The following PHF7 variants were observed in gnomAD, a reference collection of about 807,000 sequenced individuals.
PHF7 encodes E3 ubiquitin-protein ligase PHF7.
In PHF7, 24 loss-of-function variants were observed where a neutral mutation model predicts 47.5. The observed-to-expected ratio is 0.51, with a 90% CI of 0.37 to 0.71. PHF7 has a LOEUF of 0.71. Among genes scored for constraint, PHF7 ranks in the 30% least tolerant of loss-of-function variants. PHF7 has a pLI of 0.00. For missense variants in PHF7, 361 were observed against 456.8 expected, an observed-to-expected ratio of 0.79 and a Z score of 1.91; for synonymous variants, 156 against 153.8, an observed-to-expected ratio of 1.01 and a Z score of -0.11.
In PHF7 at chr3:52,423,555, A is replaced by G. The variant is rs1705863852; in HGVS notation, c.*238A>G. ...GCTTTCTCCTCCTCTCCTCCCACCA[A>G]GGATTCTTCCACCTTAATCTTGTTT... On this transcript the variant is annotated 3_prime_UTR_variant, in exon 11 of 11. Transcript: ENST00000327906. 1 of 427,142 alleles carries G rather than the reference A, an allele frequency of 2.3e-6. No homozygotes were observed. The highest frequency in any genetic ancestry group is 4.2e-6 in the Non-Finnish European group (1 of 238,504). The allele number at this position is 427,142 out of a possible 1,614,324, so 26.5% of individuals were successfully genotyped here.
rs770607928 is a variant in PHF7, at chr3:52,423,222, T to G, written c.1051T>G (p.Leu351Val). 1 of 1,614,110 alleles carries G rather than the reference T, an allele frequency of 6.2e-7. No homozygotes were observed. Among genetic ancestry groups the G allele is most frequent in the Non-Finnish European group, 8.5e-7 (1 of 1,179,950 alleles). ...TTGGACTGATTGGCCAGAACCTTCCTTATTAGAAAAGCCAGAGTCCTCTCG... is the reference window on the plus strand; with the variant it reads ...TTGGACTGATTGGCCAGAACCTTCCGTATTAGAAAAGCCAGAGTCCTCTCG... The part of the protein sequence containing the change: ...LSWTDWPEPS[L>V]LEKPESSRGR... The change falls in exon 11 of 11, where the codon TTA becomes GTA. Residue 351 changes from leucine (L) to valine (V), a missense_variant. By Grantham distance (32) the Leu-to-Val change is conservative (BLOSUM62 1). Coordinates refer to ENST00000327906, the MANE Select transcript of PHF7 (RefSeq NM_016483.7).
At chr3:52,422,973 G>C in intron 10 of PHF7, 92 bp downstream of exon 10, 2 of 1,555,710 alleles carry the variant, frequency 1.3e-6, no homozygotes, top group Middle Eastern at 3.7e-4. Flanking sequence ...CCCACCAGAG[G>C]GGGATTAATA....
intron 2 of PHF7, 39 bp from the exon 3 acceptor site, chr3:52,413,957 C>G: frequency 1.4e-6 from 2 of 1,413,766 alleles, no homozygotes; most frequent in Admixed American, 1.7e-5. Flanking sequence ...CAACAAGATC[C>G]CCAAAGAACA....
At chr3:52,415,628 ATATAGTT>A (rs1578240180) in intron 4 of PHF7, among the ~76,000 whole-genome samples, 1 of 152,334 alleles carries the variant, frequency 6.6e-6, no homozygotes, top group East Asian at 1.9e-4. Flanking sequence ...AAGTGAAATC[ATATAGTT>A]TATAATCTTC....
intron 4 of PHF7, 48 bp from the exon 5 acceptor site, chr3:52,419,785 G>GT: frequency 9.4e-7 from 1 of 1,066,384 alleles, no homozygotes; most frequent in Non-Finnish European, 1.4e-6. Flanking sequence ...TCACTGCACT[G>GT]TTTCACTGAT....
In PHF7 at chr3:52,422,349, G is replaced by A. The variant is rs373150998; in HGVS notation, c.797+11G>A. The A allele has an allele frequency of 2.0e-6, 3 of 1,535,104 alleles. No individual in the cohort carries two copies. In the African/African-American group the frequency reaches 4.1e-5, roughly 21 times the overall value. Reference sequence around the variant, plus strand: ...CTTTGAGGATGAAGGGTAGGGGAAGGCTTCTGGCTAGAAAGAGCTCTCATC... The same window carrying A: ...CTTTGAGGATGAAGGGTAGGGGAAGACTTCTGGCTAGAAAGAGCTCTCATC... On this transcript the variant is annotated intron_variant, in intron 9 of 10. Transcript: ENST00000327906.
rs1356920212 is a variant in PHF7 at position 52,410,980 on chromosome 3, T to TGCG, written c.-329_-327dup. 1 of 152,248 alleles carries TGCG rather than the reference T, an allele frequency of 6.6e-6. No individual in the cohort carries two copies. The highest frequency in any genetic ancestry group is 1.9e-4 in the East Asian group (1 of 5,202). The allele number at this position is 152,248 out of a possible 1,614,324, so 9.4% of individuals were successfully genotyped here. On this transcript the variant is annotated 5_prime_UTR_variant, in exon 1 of 11. Coordinates refer to ENST00000327906, the MANE Select transcript of PHF7 (RefSeq NM_016483.7). Reference sequence around the variant, plus strand: ...ACGTATTTTACAGATAAATCATTCTTGCGGCGGCGGGTCGAACACGTTTAT... The same window carrying TGCG: ...ACGTATTTTACAGATAAATCATTCTTGCGGCGGCGGCGGGTCGAACACGTTTAT...
intron 4 of PHF7, chr3:52,414,904 G>C (rs567312220): frequency 1.9e-5 from 3 of 161,374 alleles, no homozygotes; most frequent in African/African-American, 7.3e-5. Flanking sequence ...GCTAAGGCAA[G>C]AGGATCGCTT....
At position 52,422,202 on chromosome 3, in the gene PHF7, T is replaced by C. The variant is rs745976890; in HGVS notation, c.681-20T>C. 1 of 1,511,412 alleles carries C rather than the reference T, an allele frequency of 6.6e-7. No homozygotes were observed. The highest frequency in any genetic ancestry group is 9.2e-7 in the Non-Finnish European group (1 of 1,086,426). The allele number at this position is 1,511,412 out of a possible 1,614,324, so 93.6% of individuals were successfully genotyped here. On this transcript the variant is annotated intron_variant, in intron 8 of 10. Coordinates refer to ENST00000327906, the MANE Select transcript of PHF7 (RefSeq NM_016483.7). ...ACCAACCCATTATGTTCTTATTCAC[T>C]GTTTCTTCTCCCACTGCAGAGATGC...
intron 4 of PHF7, among the ~76,000 whole-genome samples, chr3:52,415,088 CCTT>C (rs1705582735): frequency 6.6e-6 from 1 of 152,210 alleles, no homozygotes; most frequent in Non-Finnish European, 1.5e-5. Flanking sequence ...TGTTCCCAAT[CCTT>C]CTCCCTCTCC....
At chr3:52,421,834 G>T in intron 8 of PHF7, 80 bp downstream of exon 8, 1 of 764,756 alleles carries the variant, frequency 1.3e-6, no homozygotes, top group Non-Finnish European at 2.4e-6. Context: ...TGAGAGGATA[G>T]TTCAGAGAAT....
rs958214669 is a variant in PHF7, at chr3:52,411,054, A to G, written c.-263A>G. ...CTTTTACCCAGCACCTGTCCAGTGA[A>G]ACAACTTGATAATCGTTTCGAGGGG... On this transcript the variant is annotated 5_prime_UTR_variant, in exon 1 of 11. Coordinates refer to ENST00000327906, the MANE Select transcript of PHF7 (RefSeq NM_016483.7). The G allele has an allele frequency of 1.2e-4, 19 of 152,196 alleles. No individual in the cohort carries two copies. Among genetic ancestry groups the G allele is most frequent in the African/African-American group, 4.3e-4 (18 of 41,440 alleles). 9.4% of individuals were successfully genotyped at this position (152,196 alleles called of 1,614,324 possible).
intron 4 of PHF7, among the ~76,000 whole-genome samples, chr3:52,415,489 C>G (rs1237342143): frequency 2.6e-5 from 4 of 152,198 alleles, no homozygotes; most frequent in South Asian, 2.1e-4. Context: ...AACCACCACC[C>G]CAATCAAAAT....
intron 9 of PHF7, 118 bp downstream of exon 9, chr3:52,422,456 G>A (rs959330582): frequency 2.5e-5 from 19 of 761,634 alleles, no homozygotes; most frequent in East Asian, 2.0e-4. Context: ...GGATAAACAC[G>A]ATTGCTAAGT....
At chr3:52,414,720 A>G (rs867428400) in intron 4 of PHF7, 133 bp downstream of exon 4, 32 of 501,010 alleles carry the variant, frequency 6.4e-5, no homozygotes, top group African/African-American at 5.2e-4. Context: ...TTTAAAATCT[A>G]TTTTTAGGCT....
At chr3:52,421,519 C>G in intron 7 of PHF7, 129 bp from the exon 8 acceptor site, 1 of 673,380 alleles carries the variant, frequency 1.5e-6, no homozygotes, top group Non-Finnish European at 2.7e-6. Context: ...CCTAGCCCAC[C>G]CAAACTCCTT....
rs1207595355 is a variant in PHF7 at position 52,420,393 on chromosome 3, G to GC, written c.373dup (p.Gln125ProfsTer18). Reference sequence around the variant, plus strand: ...CTCAGAAACTTCCATCTGCCTTGTGGCCAAGAAAGGGGTTGCCTTTCACAA... The same window carrying GC: ...CTCAGAAACTTCCATCTGCCTTGTGGCCCAAGAAAGGGGTTGCCTTTCACAA... On this transcript the variant is annotated frameshift_variant, in exon 6 of 11. Transcript: ENST00000327906. LOFTEE classifies it high-confidence loss of function. 2.5e-6 allele frequency: 4 copies of GC among 1,614,064 alleles called. No individual in the cohort carries two copies. The highest frequency in any genetic ancestry group is 3.4e-6 in the Non-Finnish European group (4 of 1,179,944).
At chr3:52,418,120 C>G (rs1390334989) in intron 4 of PHF7, among the ~76,000 whole-genome samples, 2 of 152,146 alleles carry the variant, frequency 1.3e-5, no homozygotes, top group African/African-American at 2.4e-5. Context: ...ATAAACTCTA[C>G]TTGGTCATGA....
At position 52,420,995 on chromosome 3, in the gene PHF7, A is replaced by G; in HGVS notation, c.506A>G (p.Gln169Arg). 6.2e-7 allele frequency: 1 copy of G among 1,613,816 alleles called. No homozygotes were observed. ...SCILCCEDLS[Q>R]QSVENIQSPC... ...ATCTTATGTTGTGAAGACTTATCCC[A>G]ACAGAGTGTTGAGAACATCCAGAGC... Residue 169 changes from glutamine (Q) to arginine (R), a missense_variant, in exon 7 of 11, where the codon CAA becomes CGA. Gln to Arg is a conservative substitution (Grantham distance 43, BLOSUM62 1). Coordinates refer to ENST00000327906, the MANE Select transcript of PHF7 (RefSeq NM_016483.7).
Sources: gnomAD v4.1 joint callset for allele counts (sites outside exome capture counted in the v4.1 genomes callset) on GRCh38, gnomAD v4.1.1 for gene constraint, MANE v1.5 for transcripts, NCBI Gene and HGNC (gene_info 2026-07-23, HGNC 2026-07-21) for gene names.